The following GIPR variants were observed in gnomAD, a reference collection of about 807,000 sequenced individuals.
GIPR encodes the protein gastric inhibitory polypeptide receptor.
GIPR carries 74 observed loss-of-function variants against 62.2 expected under a neutral mutation model. That is an observed-to-expected ratio of 1.19 (90% CI 0.99 to 1.44). The LOEUF is 1.44. Ranked by LOEUF, GIPR falls within the 40% of genes most tolerant of loss-of-function variation. The pLI is 0.00. For synonymous variants in GIPR, 256 were observed against 262.2 expected (o/e 0.98, Z 0.23); for missense variants, 664 against 611.8 (o/e 1.09, Z -0.90).
intron 7 of GIPR, chr19:45,675,063 C>T (rs376946425): frequency 2.0e-5 from 11 of 537,834 alleles, no homozygotes; most frequent in East Asian, 7.0e-5. Flanking sequence ...TGGAATTTTC[C>T]GTTCCTCTCC....
At chr19:45,677,201 G>T in intron 8 of GIPR, 93 bp downstream of exon 8, 1 of 1,444,300 alleles carries the variant, frequency 6.9e-7, no homozygotes, top group Non-Finnish European at 9.5e-7. Context: ...GTCTCCTCCC[G>T]TCTCTAGGCT....
chr19:45,672,733 CAT>C (rs1487395780), intron 4 of GIPR, 116 bp from the exon 5 acceptor site: 7 of 713,220 alleles, frequency 9.8e-6, no homozygotes, highest in Non-Finnish European at 1.8e-5. Flanking sequence ...TCATCATCAT[CAT>C]CATCATCATC....
intron 12 of GIPR, among the ~76,000 whole-genome samples, chr19:45,679,249 G>T (rs1319088752): frequency 6.6e-6 from 1 of 152,116 alleles, no homozygotes; most frequent in East Asian, 1.9e-4. Flanking sequence ...GGAGGCCGAG[G>T]CAGGCGGATC....
In GIPR at chr19:45,679,397, G is replaced by A. The variant is rs539937236; in HGVS notation, c.1152+1171G>A. Among the ~76,000 whole-genome samples, 6 of 150,006 alleles carry A rather than the reference G, an allele frequency of 4.0e-5. No individual in the cohort carries two copies. In the East Asian group the frequency reaches 1.0e-3, roughly 25 times the overall value. On this transcript the variant is annotated intron_variant, in intron 12 of 13. Coordinates refer to ENST00000590918, the MANE Select transcript of GIPR (RefSeq NM_000164.4). ...CTCAGGAGGCTGAGGTCGGAGAATC[G>A]ATTGAACCCGGGAGGTGGAGGTTGC...
Position 45,682,341 on chromosome 19 carries a change from G to A in GIPR, c.*406G>A, listed in dbSNP as rs1440178948. 2 of 193,296 alleles carry A rather than the reference G, an allele frequency of 1.0e-5. No individual in the cohort carries two copies. The allele number at this position is 193,296 out of a possible 1,614,324, so 12.0% of individuals were successfully genotyped here. ...GAGTAGAATTAAGTCAGAGCCAACA[G>A]GTGGGGAGAGACAGAGAAGTGGGCA... On this transcript the variant is annotated 3_prime_UTR_variant, in exon 14 of 14. Coordinates refer to ENST00000590918, the MANE Select transcript of GIPR (RefSeq NM_000164.4).
chr19:45,678,369 C>CTT (rs111894186), intron 12 of GIPR, 143 bp downstream of exon 12: 158 of 806,660 alleles, frequency 2.0e-4, no homozygotes, highest in Middle Eastern at 1.5e-3. Context: ...TTAATTCATT[C>CTT]TTTTTTTTTT....
intron 10 of GIPR, 37 bp downstream of exon 10, chr19:45,677,816 G>C (rs1374330814): frequency 4.4e-6 from 7 of 1,603,314 alleles, no homozygotes; most frequent in African/African-American, 1.3e-5. Flanking sequence ...CCGCCCTCAG[G>C]GATTTCCCAT....
Position 45,682,140 on chromosome 19 carries a change from G to C in GIPR, c.*205G>C, listed in dbSNP as rs944001283. ...CACACGCTATGGAATGGTTATGAAG[G>C]GAAGCGAGAAGGGGGCCTAGGGTGG... On this transcript the variant is annotated 3_prime_UTR_variant, in exon 14 of 14. Coordinates refer to ENST00000590918, the MANE Select transcript of GIPR (RefSeq NM_000164.4). 6.5e-5 allele frequency: 39 copies of C among 601,716 alleles called. No homozygotes were observed. The African/African-American group carries it at 7.3e-4, about 11-fold the overall frequency. The allele number at this position is 601,716 out of a possible 1,614,324, so 37.3% of individuals were successfully genotyped here. A position where few individuals can be genotyped will look rare whatever the true frequency, so the allele number is the denominator to read the frequency against.
intron 8 of GIPR, 55 bp downstream of exon 8, chr19:45,677,163 C>A: frequency 6.3e-7 from 1 of 1,580,644 alleles, no homozygotes; most frequent in Non-Finnish European, 8.6e-7. Flanking sequence ...TCGGCTCCCC[C>A]AACTGCCCTG....
chr19:45,677,189 G>A, intron 8 of GIPR, 81 bp downstream of exon 8: 1 of 1,494,342 alleles, frequency 6.7e-7, no homozygotes. Context: ...TGGCCTCTGC[G>A]GGTCTCCTCC....
intron 7 of GIPR, among the ~76,000 whole-genome samples, chr19:45,676,344 C>T (rs1966909169): frequency 6.6e-6 from 1 of 150,618 alleles, no homozygotes; most frequent in Admixed American, 6.6e-5. Flanking sequence ...GAACTGACGG[C>T]AATGATGGAA....
intron 5 of GIPR, 68 bp downstream of exon 5, chr19:45,673,022 G>T: frequency 5.4e-6 from 5 of 923,098 alleles, no homozygotes; most frequent in South Asian, 1.3e-5. Context: ...ATTCAGGCAG[G>T]GCCTGAAACC....
rs572603144 is a variant in GIPR, at chr19:45,683,670, C to T, written c.*1735C>T. 9 of 152,278 alleles carry T rather than the reference C, an allele frequency of 5.9e-5. No individual in the cohort carries two copies. Among genetic ancestry groups the T allele is most frequent in the African/African-American group, 1.9e-4 (8 of 41,556 alleles). 9.4% of individuals were successfully genotyped at this position (152,278 alleles called of 1,614,324 possible). ...CTACACCCTGCCTTGTGGGTTCTCG[C>T]GGGGTGGGGGCCTTAGGGCAAGGCT... On this transcript the variant is annotated 3_prime_UTR_variant, in exon 14 of 14. Coordinates refer to ENST00000590918, the MANE Select transcript of GIPR (RefSeq NM_000164.4).
intron 2 of GIPR, chr19:45,670,359 C>A: frequency 2.6e-6 from 1 of 387,244 alleles, no homozygotes. Context: ...TTATCGTTTC[C>A]ACTCCCTTTT....
In GIPR at chr19:45,680,016, C is replaced by T. The variant is rs144772609; in HGVS notation, c.1153-1588C>T. ...AACTCCTGACCTCAGGTGATCCGCC[C>T]GCTTCAGCCTCCCAAAGCGCCGGGA... is the stretch of plus-strand genomic sequence containing the variant. On this transcript the variant is annotated intron_variant, in intron 12 of 13. Coordinates refer to ENST00000590918, the MANE Select transcript of GIPR (RefSeq NM_000164.4). Among the ~76,000 whole-genome samples, 677 of 152,152 alleles carry T rather than the reference C, an allele frequency of 4.4e-3. 4 individuals are homozygous for T. Among genetic ancestry groups the T allele is most frequent in the African/African-American group, 0.015 (632 of 41,508 alleles).
rs1975471005 is a variant in GIPR at position 45,670,373 on chromosome 19, C to T, written c.73-262C>T. The T allele has an allele frequency of 7.1e-6, 3 of 422,316 alleles. No individual in the cohort carries two copies. The South Asian group carries it at 1.2e-4, about 17-fold the overall frequency. The allele number at this position is 422,316 out of a possible 1,614,324, so 26.2% of individuals were successfully genotyped here. On this transcript the variant is annotated intron_variant, in intron 2 of 13. Coordinates refer to ENST00000590918, the MANE Select transcript of GIPR (RefSeq NM_000164.4). ...ATTATCGTTTCCACTCCCTTTTCTT[C>T]CCCCAACAAGTCCTCCTGATAATTT... is the stretch of plus-strand genomic sequence containing the variant.
At chr19:45,674,335 C>T (rs751478470) in intron 6 of GIPR, 158 bp downstream of exon 6, 12 of 698,472 alleles carry the variant, frequency 1.7e-5, no homozygotes, top group South Asian at 4.4e-5. Flanking sequence ...TGGCCGGGAG[C>T]GGTGGCTGAT....
At position 45,669,646 on chromosome 19, in the gene GIPR, G is replaced by C. The variant is rs576082896; in HGVS notation, c.72+54G>C. The C allele has an allele frequency of 3.2e-4, 497 of 1,538,982 alleles. 1 individual carries two copies. In the African/African-American group the frequency reaches 6.1e-3, roughly 19 times the overall value. ...CAGGCTTGGAGGGAGGTATGGGGAC[G>C]GTTTTAGGGCTTCCGTCGTCAGGGC... is the stretch of plus-strand genomic sequence containing the variant. On this transcript the variant is annotated intron_variant, in intron 2 of 13. Coordinates refer to ENST00000590918, the MANE Select transcript of GIPR (RefSeq NM_000164.4).
At position 45,681,815 on chromosome 19, in the gene GIPR, C is replaced by T; in HGVS notation, c.1281C>T (p.Ala427=). ...GEEQRQLPER[A]FRALPSGSGP... is the part of the protein sequence containing the mutation. ...AGCAACGCCAGCTCCCGGAGCGCGC[C>T]TTCCGGGCCCTGCCCTCCGGCTCCG... The change falls in exon 14 of 14, where the codon GCC becomes GCT. Residue 427 remains alanine, a synonymous_variant. Transcript: ENST00000590918. 1 of 1,563,406 alleles carries T rather than the reference C, an allele frequency of 6.4e-7. No individual in the cohort carries two copies. The highest frequency in any genetic ancestry group is 1.4e-5 in the African/African-American group (1 of 73,938).
Sources: allele counts gnomAD v4.1 joint callset (sites outside exome capture counted in the v4.1 genomes callset), GRCh38; gene constraint gnomAD v4.1.1; transcripts MANE v1.5; gene names NCBI Gene and HGNC (gene_info 2026-07-23, HGNC 2026-07-21).